The following EXOC4 variants were observed in gnomAD, a reference collection of about 807,000 sequenced individuals.
EXOC4 encodes the protein exocyst complex component 4.
Under a neutral mutation model 107.2 loss-of-function variants are expected in EXOC4, and 71 were observed. The ratio of observed to expected loss-of-function variants is 0.66; its 90% CI spans 0.55 to 0.81. The LOEUF is 0.81. EXOC4 is among the 30% of genes least tolerant of loss of function. The pLI is 0.00. For synonymous variants in EXOC4, 456 were observed against 441.2 expected (o/e 1.03, Z -0.42); for missense variants, 1,108 against 1,189.6 (o/e 0.93, Z 1.01).
intron 17 of EXOC4, among the ~76,000 whole-genome samples, chr7:134,047,785 T>C (rs1360980003): frequency 6.6e-6 from 1 of 152,196 alleles, no homozygotes; most frequent in Non-Finnish European, 1.5e-5. Context: ...AATGAGATCA[T>C]ATTTGTACTC....
intron 5 of EXOC4, among the ~76,000 whole-genome samples, chr7:133,342,023 A>G (rs1795672716): frequency 6.6e-6 from 1 of 151,284 alleles, no homozygotes; most frequent in African/African-American, 2.4e-5. Flanking sequence ...CGTTTAGGCC[A>G]TTTACATTCA....
intron 7 of EXOC4, among the ~76,000 whole-genome samples, chr7:133,430,775 A>G (rs1457691768): frequency 6.6e-6 from 1 of 152,172 alleles, no homozygotes; most frequent in African/African-American, 2.4e-5. Flanking sequence ...ACTAAGAAAA[A>G]ATAGTTTTAC....
At chr7:133,306,248 A>G (rs1673743834) in intron 4 of EXOC4, among the ~76,000 whole-genome samples, 187 bp downstream of exon 4, 1 of 152,206 alleles carries the variant, frequency 6.6e-6, no homozygotes, top group East Asian at 1.9e-4. Context: ...AAGTTTGTTC[A>G]TTCATTCATT....
chr7:133,340,366 G>T (rs529084687), intron 5 of EXOC4, among the ~76,000 whole-genome samples: 196 of 149,688 alleles, frequency 1.3e-3, no homozygotes, highest in Non-Finnish European at 2.2e-3. Flanking sequence ...AAGCCCACTT[G>T]ATCACGCTGG....
intron 12 of EXOC4, among the ~76,000 whole-genome samples, chr7:133,896,837 G>GTTTTTTTTTTTTTTTTTTTTTT (rs1554416770): frequency 3.5e-5 from 3 of 85,686 alleles, no homozygotes; most frequent in African/African-American, 1.3e-4. Flanking sequence ...GGCTATTTTT[G>GTTTTTTTTTTTTTTTTTTTTTT]TATTTTTAGT....
intron 9 of EXOC4, among the ~76,000 whole-genome samples, chr7:133,491,237 T>C (rs904825629): frequency 8.5e-5 from 13 of 152,382 alleles, no homozygotes; most frequent in Non-Finnish European, 1.3e-4. Flanking sequence ...AGTCATAATA[T>C]AGGATGTTCA....
intron 11 of EXOC4, among the ~76,000 whole-genome samples, chr7:133,845,251 C>A (rs1256560828): frequency 6.6e-6 from 1 of 151,622 alleles, no homozygotes; most frequent in East Asian, 1.9e-4. Context: ...TGTTTTACTA[C>A]AAATGGCCCA....
intron 11 of EXOC4, among the ~76,000 whole-genome samples, chr7:133,879,707 T>G (rs1282550978): frequency 6.6e-6 from 1 of 152,232 alleles, no homozygotes; most frequent in Non-Finnish European, 1.5e-5. Context: ...CAGAGCTGGA[T>G]TCTAGATTTT....
chr7:133,345,667 A>G (rs1381295785), intron 5 of EXOC4, among the ~76,000 whole-genome samples: 1 of 152,104 alleles, frequency 6.6e-6, no homozygotes, highest in Non-Finnish European at 1.5e-5. Flanking sequence ...TTTTTACTCT[A>G]TCTCCCCTTA....
intron 10 of EXOC4, among the ~76,000 whole-genome samples, chr7:133,731,730 T>G (rs957745400): frequency 2.0e-5 from 3 of 152,186 alleles, no homozygotes; most frequent in African/African-American, 7.2e-5. Flanking sequence ...TAATAAAAGC[T>G]TGTTTTTTCA....
Position 133,509,186 on chromosome 7 carries a change from T to C in EXOC4, c.1417+29048T>C, listed in dbSNP as rs551943771. Reference sequence around the variant, plus strand: ...GCTCACGCCTGTAATCCCAGCACTTTGGGAGGCCGAGGTGGGAGGATCATG... The same window carrying C: ...GCTCACGCCTGTAATCCCAGCACTTCGGGAGGCCGAGGTGGGAGGATCATG... On this transcript the variant is annotated intron_variant, in intron 9 of 17. Coordinates refer to ENST00000253861, the MANE Select transcript of EXOC4 (RefSeq NM_021807.4). Among the ~76,000 whole-genome samples, 10 of 152,216 alleles carry C rather than the reference T, an allele frequency of 6.6e-5. No individual in the cohort carries two copies. The East Asian group carries it at 1.7e-3, about 26-fold the overall frequency.
intron 1 of EXOC4, among the ~76,000 whole-genome samples, chr7:133,258,885 AAC>A (rs1248168520): frequency 3.3e-5 from 5 of 152,310 alleles, no homozygotes; most frequent in East Asian, 3.9e-4. Flanking sequence ...GTAAAATATA[AAC>A]ACACATAAAA....
intron 10 of EXOC4, among the ~76,000 whole-genome samples, chr7:133,640,934 A>C (rs1021050835): frequency 2.4e-4 from 36 of 151,970 alleles, no homozygotes; most frequent in Admixed American, 2.4e-3. Context: ...GTGGCTGTTC[A>C]GAGGTGCAGT....
At chr7:133,701,997 C>CTTTTTTTTTTTTTTTTTTTTTTT (rs71162021) in intron 10 of EXOC4, among the ~76,000 whole-genome samples, 3 of 66,608 alleles carry the variant, frequency 4.5e-5, no homozygotes, top group Non-Finnish European at 5.7e-5. Context: ...TTCTTTCTTT[C>CTTTTTTTTTTTTTTTTTTTTTTT]TTTTTTTTTT....
chr7:133,876,179 A>G (rs1019386525), intron 11 of EXOC4, among the ~76,000 whole-genome samples: 1 of 152,038 alleles, frequency 6.6e-6, no homozygotes, highest in African/African-American at 2.4e-5. Context: ...TTACATTTAA[A>G]AAATTAACTC....
intron 5 of EXOC4, among the ~76,000 whole-genome samples, chr7:133,342,282 C>T (rs1376655771): frequency 6.6e-6 from 1 of 152,076 alleles, no homozygotes; most frequent in Non-Finnish European, 1.5e-5. Flanking sequence ...CTGTATCTTT[C>T]CTTCATTTAT....
chr7:133,311,117 T>A (rs1338309261), intron 4 of EXOC4, among the ~76,000 whole-genome samples: 1 of 152,198 alleles, frequency 6.6e-6, no homozygotes, highest in Non-Finnish European at 1.5e-5. Flanking sequence ...AGACTGTCCT[T>A]GTTCTTAGCT....
chr7:134,098,825 A>C, the EXOC4 span, among the ~76,000 whole-genome samples: 1 of 152,214 alleles, frequency 6.6e-6, no homozygotes, highest in African/African-American at 2.4e-5. Flanking sequence ...CCTTTAGAAA[A>C]TAGCTTGGAG....
chr7:133,684,026 A>G (rs2151070815), intron 10 of EXOC4, among the ~76,000 whole-genome samples: 1 of 152,302 alleles, frequency 6.6e-6, no homozygotes, highest in East Asian at 1.9e-4. Context: ...TTAGAAAGCT[A>G]CGGGATCACA....
Sources: allele counts gnomAD v4.1 joint callset (sites outside exome capture counted in the v4.1 genomes callset), GRCh38; gene constraint gnomAD v4.1.1; transcripts MANE v1.5; gene names NCBI Gene and HGNC (gene_info 2026-07-23, HGNC 2026-07-21).